Variants in NPM1 observed in about 807,000 individuals in gnomAD.
NPM1 encodes nucleophosmin 1.
Under a neutral mutation model 44.1 loss-of-function variants are expected in NPM1, and 1 was observed. The ratio of observed to expected loss-of-function variants is 0.02; its 90% confidence interval spans 0.01 to 0.11. The LOEUF is 0.11. Among genes scored for constraint, NPM1 ranks in the 10% least tolerant of loss-of-function variants. NPM1 has a pLI of 1.00. For missense variants in NPM1, 197 were observed against 347.8 expected, an observed-to-expected ratio of 0.57 and a Z score of 3.45; for synonymous variants, 126 against 111.8, an observed-to-expected ratio of 1.13 and a Z score of -0.80.
intron 1 of NPM1, among the ~76,000 whole-genome samples, chr5:171,388,856 C>G (rs1413847326): frequency 1.3e-5 from 2 of 152,210 alleles, no homozygotes; most frequent in African/African-American, 4.8e-5. Flanking sequence ...GATAAACTCA[C>G]TTAACGAAGG....
At chr5:171,390,767 AG>A (rs1770533167) in intron 2 of NPM1, among the ~76,000 whole-genome samples, 1 of 151,658 alleles carries the variant, frequency 6.6e-6, no homozygotes, top group African/African-American at 2.4e-5. Flanking sequence ...TCTGTCACCC[AG>A]GCTGGAGTGC....
In NPM1 at chr5:171,388,021, G is replaced by A. The variant is rs1455033617; in HGVS notation, c.58+15G>A. 1.9e-6 allele frequency: 3 copies of A among 1,602,536 alleles called. No homozygotes were observed. The highest frequency in any genetic ancestry group is 2.2e-5 in the East Asian group (1 of 44,640). ...CTATCTTTTCGGTAACTGCTGGGGG[G>A]AGCTGGAGCGAGGCCGAGCGGGGCC... On this transcript the variant is annotated intron_variant, in intron 1 of 10. Transcript: ENST00000296930.
intron 5 of NPM1, 44 bp from the exon 6 acceptor site, chr5:171,392,870 T>C: frequency 6.2e-7 from 1 of 1,613,076 alleles, no homozygotes. Flanking sequence ...AGTTTGGTGA[T>C]AGAACAGCTC....
Position 171,400,273 on chromosome 5 carries a change from T to C in NPM1, c.582+63T>C, listed in dbSNP as rs1771125283. The C allele has an allele frequency of 4.6e-6, 7 of 1,508,242 alleles. 1 individual carries two copies. The highest frequency in any genetic ancestry group is 4.3e-5 in the African/African-American group (3 of 69,042). The allele number at this position is 1,508,242 out of a possible 1,614,324, so 93.4% of individuals were successfully genotyped here. A position where few individuals can be genotyped will look rare whatever the true frequency, so the allele number is the denominator to read the frequency against. ...AATAGAAATGGTGATTTTTTAGTGC[T>C]ATTTGCTTGTTTTGTAGTTAAGGGA... On this transcript the variant is annotated intron_variant, in intron 7 of 10. Coordinates refer to ENST00000296930, the MANE Select transcript of NPM1 (RefSeq NM_002520.7).
chr5:171,398,525 G>A (rs1481503337), intron 6 of NPM1, among the ~76,000 whole-genome samples: 9 of 152,062 alleles, frequency 5.9e-5, no homozygotes, highest in Admixed American at 3.3e-4. Flanking sequence ...CTGTAATCCC[G>A]GCACTTTGAG....
intron 4 of NPM1, 91 bp from the exon 5 acceptor site, chr5:171,392,619 C>G: frequency 3.2e-6 from 2 of 620,894 alleles, no homozygotes; most frequent in Non-Finnish European, 5.1e-6. Context: ...GAATAGAAGT[C>G]TCAGTTTTTA....
At chr5:171,401,063 C>A in intron 8 of NPM1, 138 bp downstream of exon 8, 1 of 638,794 alleles carries the variant, frequency 1.6e-6, no homozygotes. Context: ...TTAAAATCAG[C>A]TTGCTGCAGC....
At position 171,404,127 on chromosome 5, in the gene NPM1, T is replaced by C. The variant is rs1158389478; in HGVS notation, c.670-1175T>C. ...CTCCCGGACGGCACGGCTGGCCAGG[T>C]GGGGGGCTGACCCCCCCACCTCCCT... On this transcript the variant is annotated intron_variant, in intron 8 of 10. Transcript: ENST00000296930. 3.5e-4 allele frequency among the ~76,000 whole-genome samples: 21 copies of C among 59,936 alleles called. 1 individual carries two copies. In the East Asian group the frequency reaches 0.011, roughly 31 times the overall value. 39.3% of individuals were successfully genotyped at this position (59,936 alleles called of 152,430 possible). A position where few individuals can be genotyped will look rare whatever the true frequency, so the allele number is the denominator to read the frequency against.
chr5:171,387,834 C>CG (rs960845761), upstream of NPM1: 227 of 969,834 alleles, frequency 2.3e-4, no homozygotes, highest in Middle Eastern at 3.1e-4. Context: ...TATATAAGCG[C>CG]GGGGAGCCTG....
chr5:171,410,354 GAATTA>G (rs1431268009), intron 10 of NPM1, among the ~76,000 whole-genome samples, 168 bp from the exon 11 acceptor site: 2 of 152,038 alleles, frequency 1.3e-5, no homozygotes, highest in African/African-American at 4.8e-5. Flanking sequence ...AAAGTGTTTG[GAATTA>G]AATTACATCT....
chr5:171,400,496 AC>A lies in NPM1; in HGVS notation c.582+289del, dbSNP rs564569439. 6.8e-3 allele frequency among the ~76,000 whole-genome samples: 927 copies of A among 135,692 alleles called. 10 individuals carry two copies. Among genetic ancestry groups the A allele is most frequent in the African/African-American group, 0.025 (888 of 35,652 alleles). 89.0% of individuals were successfully genotyped at this position (135,692 alleles called of 152,430 possible). On this transcript the variant is annotated intron_variant, in intron 7 of 10. Coordinates refer to ENST00000296930, the MANE Select transcript of NPM1 (RefSeq NM_002520.7). ...TTTTTTGAGACGGAGTCTCAATGTC[AC>A]CCGGGCTGGAGTACAGTGGCGCGAT... is the stretch of plus-strand genomic sequence containing the variant.
Position 171,392,970 on chromosome 5 carries a change from T to C in NPM1, c.516T>C (p.Asp172=). The C allele has an allele frequency of 6.2e-7, 1 of 1,609,574 alleles. No individual in the cohort carries two copies. Among genetic ancestry groups the C allele is most frequent in the Non-Finnish European group, 8.5e-7 (1 of 1,176,202 alleles). The part of the protein sequence containing the change: ...EDDDDDDEED[D]DEDDDDDDFD... ...ATGACGATGATGATGAAGAGGATGA[T>C]GATGAAGAGTAAGTATGATTTTAGA... The change falls in exon 6 of 11, where the codon GAT becomes GAC. Residue 172 remains aspartate (D), a synonymous_variant. Coordinates refer to ENST00000296930, the MANE Select transcript of NPM1 (RefSeq NM_002520.7).
chr5:171,387,811 TC>T (rs1360351948), upstream of NPM1: 1 of 763,186 alleles, frequency 1.3e-6, no homozygotes, highest in East Asian at 2.7e-5. Flanking sequence ...GCTCGCGAGA[TC>T]TTCAGGGTCT....
intron 6 of NPM1, among the ~76,000 whole-genome samples, chr5:171,396,539 A>G (rs1770895236): frequency 6.6e-6 from 1 of 152,180 alleles, no homozygotes; most frequent in Admixed American, 6.5e-5. Flanking sequence ...TTTCTTCGGT[A>G]TTGGAAAGAT....
chr5:171,405,263 T>G, intron 8 of NPM1, 39 bp from the exon 9 acceptor site: 1 of 997,342 alleles, frequency 1.0e-6, no homozygotes, highest in African/African-American at 1.6e-5. Context: ...GGAATTGTAT[T>G]TATTCTTATG....
chr5:171,398,010 C>G (rs774280287), intron 6 of NPM1, among the ~76,000 whole-genome samples: 42 of 152,146 alleles, frequency 2.8e-4, no homozygotes, highest in South Asian at 6.2e-4. Context: ...CCAGGCTGGT[C>G]TTGAACTCCT....
At chr5:171,388,586 A>C (rs1166616798) in intron 1 of NPM1, among the ~76,000 whole-genome samples, 1 of 112,146 alleles carries the variant, frequency 8.9e-6, no homozygotes, top group South Asian at 3.1e-4. Flanking sequence ...CGTGGTTGCC[A>C]CGTGGTTGGG....
At chr5:171,396,881 G>C (rs1291129898) in intron 6 of NPM1, among the ~76,000 whole-genome samples, 3 of 152,140 alleles carry the variant, frequency 2.0e-5, no homozygotes, top group Admixed American at 1.3e-4. Flanking sequence ...GCTGAGGCAG[G>C]AGAATTGCTT....
rs372208958 is a variant in NPM1, at chr5:171,391,321, G to C, written c.155G>C (p.Gly52Ala). 1 of 1,613,674 alleles carries C rather than the reference G, an allele frequency of 6.2e-7. No individual in the cohort carries two copies. The highest frequency in any genetic ancestry group is 8.5e-7 in the Non-Finnish European group (1 of 1,179,848). ...TGTTCACAGGTCAGTTTAGGGGCTG[G>C]TGCAAAGGATGAGTTGCACATTGTT... ...LSLRTVSLGA[G>A]AKDELHIVEA... The change falls in exon 3 of 11, where the codon GGT becomes GCT. Residue 52 changes from glycine to alanine, a missense_variant. Gly to Ala is a moderately conservative substitution (Grantham distance 60). Coordinates refer to ENST00000296930, the MANE Select transcript of NPM1 (RefSeq NM_002520.7).
Sources: allele counts gnomAD v4.1 joint callset (sites outside exome capture counted in the v4.1 genomes callset), GRCh38; gene constraint gnomAD v4.1.1; transcripts MANE v1.5; gene names NCBI Gene and HGNC (gene_info 2026-07-23, HGNC 2026-07-21).